The following IQCM variants were observed in gnomAD, a reference collection of about 807,000 sequenced individuals.
The protein encoded by IQCM is IQ motif containing M, also known as IQ domain-containing protein M.
IQCM carries 45 observed loss-of-function variants against 57.6 expected under a neutral mutation model. That is an observed-to-expected ratio of 0.78 (90% confidence interval 0.62 to 1.00). The LOEUF is 1.00. IQCM is among the 50% of genes least tolerant of loss of function. The pLI, the probability that IQCM is intolerant of heterozygous loss-of-function variation, is 0.00. For synonymous variants in IQCM, 148 were observed against 158.9 expected (o/e 0.93, Z 0.51); for missense variants, 468 against 511.6 (o/e 0.91, Z 0.82).
chr4:149,726,416 C>T (rs1042274989), intron 5 of IQCM, among the ~76,000 whole-genome samples: 4 of 152,176 alleles, frequency 2.6e-5, no homozygotes, highest in Admixed American at 2.0e-4. Context: ...CTTTCTAATG[C>T]ATTACTCCTT....
chr4:149,602,255 G>T (rs1454469372), intron 8 of IQCM, among the ~76,000 whole-genome samples: 2 of 152,012 alleles, frequency 1.3e-5, no homozygotes, highest in African/African-American at 4.8e-5. Flanking sequence ...TTTACATAAG[G>T]AATTTGAACA....
chr4:149,528,095 C>T (rs544794873), intron 12 of IQCM, among the ~76,000 whole-genome samples: 8 of 151,702 alleles, frequency 5.3e-5, no homozygotes, highest in Middle Eastern at 3.4e-3. Context: ...AAGTGATTCT[C>T]GTGCCGCAGC....
chr4:149,400,439 G>T (rs1436664291), intron 13 of IQCM, among the ~76,000 whole-genome samples: 1 of 151,964 alleles, frequency 6.6e-6, no homozygotes, highest in African/African-American at 2.4e-5. Context: ...ACTTCACGTG[G>T]CATGAGATAC....
At chr4:149,405,822 A>AAGCATATATATATATGCTCCTT (rs1209364844) in intron 13 of IQCM, among the ~76,000 whole-genome samples, 1 of 140,296 alleles carries the variant, frequency 7.1e-6, no homozygotes, top group African/African-American at 2.6e-5. Context: ...TTCACCTCCT[A>AAGCATATATATATATGCTCCTT]AGGAGCATAT....
At chr4:149,532,691 G>A (rs1005903732) in intron 12 of IQCM, among the ~76,000 whole-genome samples, 1 of 152,066 alleles carries the variant, frequency 6.6e-6, no homozygotes, top group Non-Finnish European at 1.5e-5. Flanking sequence ...ATGGGCATGT[G>A]GCCTTCAATC....
chr4:149,354,363 CAAAAAAAAAAA>C lies in IQCM; in HGVS notation c.1391-2308_1391-2298del, dbSNP rs70965178. On this transcript the variant is annotated intron_variant, in intron 13 of 13. Coordinates refer to ENST00000636793, the MANE Select transcript of IQCM (RefSeq NM_001363507.2). ...TGGGCGACAGAGCGAGACTCCGTCT[CAAAAAAAAAAA>C]AAAAAAAAAAAAAAACTGACAAATT... is the stretch of plus-strand genomic sequence containing the variant. 1.8e-3 allele frequency among the ~76,000 whole-genome samples: 37 copies of C among 20,260 alleles called. 1 individual carries two copies. The highest frequency in any genetic ancestry group is 0.05 in the Middle Eastern group (1 of 20). The allele number at this position is 20,260 out of a possible 152,430, so 13.3% of individuals were successfully genotyped here.
chr4:149,397,842 TG>T (rs1732339220), intron 13 of IQCM, among the ~76,000 whole-genome samples: 1 of 152,048 alleles, frequency 6.6e-6, no homozygotes, highest in African/African-American at 2.4e-5. Context: ...ATCAGATATA[TG>T]GTTTGCAAAT....
At chr4:149,411,755 C>T in intron 13 of IQCM, among the ~76,000 whole-genome samples, 2 of 152,196 alleles carry the variant, frequency 1.3e-5, no homozygotes, top group Non-Finnish European at 2.9e-5. Flanking sequence ...GGGTACTATG[C>T]TATGTTACTT....
intron 12 of IQCM, among the ~76,000 whole-genome samples, chr4:149,470,295 G>GAA (rs577782361): frequency 1.5e-5 from 2 of 131,600 alleles, no homozygotes; most frequent in African/African-American, 2.8e-5. Context: ...CAAGCAAATG[G>GAA]AAAAAAAAAA....
chr4:149,492,027 T>C (rs1742148222), intron 12 of IQCM, among the ~76,000 whole-genome samples: 1 of 152,148 alleles, frequency 6.6e-6, no homozygotes, highest in Non-Finnish European at 1.5e-5. Context: ...ATGTTTTTTA[T>C]ACACCTATTG....
At chr4:149,354,558 G>C (rs539633414) in intron 13 of IQCM, among the ~76,000 whole-genome samples, 1 of 151,796 alleles carries the variant, frequency 6.6e-6, no homozygotes, top group African/African-American at 2.4e-5. Flanking sequence ...TCAGGATTAA[G>C]TGCTTTCCTA....
chr4:149,433,052 G>A (rs1422152408), intron 13 of IQCM, among the ~76,000 whole-genome samples: 1 of 151,824 alleles, frequency 6.6e-6, no homozygotes, highest in Admixed American at 6.6e-5. Flanking sequence ...ATAATGACTG[G>A]AAAACAGGTT....
rs371838386 is a variant in IQCM at position 149,418,666 on chromosome 4, T to C, written c.1390+14730A>G. Among the ~76,000 whole-genome samples, 3 of 152,094 alleles carry C rather than the reference T, an allele frequency of 2.0e-5. No homozygotes were observed. The East Asian group carries it at 5.8e-4, about 29-fold the overall frequency. Reference sequence around the variant, plus strand: ...TTAAACTTCAGGCCAATATCTCTGATGAAGGATATTCAAATAGGAAGAAAA... The same window carrying C: ...TTAAACTTCAGGCCAATATCTCTGACGAAGGATATTCAAATAGGAAGAAAA... On this transcript the variant is annotated intron_variant, in intron 13 of 13. Transcript: ENST00000636793.
At chr4:149,481,705 T>TTTTTTTTTGTTTTTTG (rs1393102224) in intron 12 of IQCM, among the ~76,000 whole-genome samples, 186 of 133,082 alleles carry the variant, frequency 1.4e-3, no homozygotes, top group Non-Finnish European at 1.8e-3. Context: ...AGTTTTGTTT[T>TTTTTTTTTGTTTTTTG]TTTTTTTTTT....
At chr4:149,805,130 G>T (rs1773952346) in intron 2 of IQCM, among the ~76,000 whole-genome samples, 1 of 152,036 alleles carries the variant, frequency 6.6e-6, no homozygotes, top group South Asian at 2.1e-4. Flanking sequence ...GAAATTATAG[G>T]CTAGAGTTGC....
chr4:149,698,996 G>A (rs1763554277), intron 5 of IQCM, among the ~76,000 whole-genome samples: 1 of 151,988 alleles, frequency 6.6e-6, no homozygotes, highest in African/African-American at 2.4e-5. Context: ...TAAAATTAGT[G>A]ATGTTGATGA....
chr4:149,366,769 A>T (rs935841785), intron 13 of IQCM, among the ~76,000 whole-genome samples: 8 of 152,020 alleles, frequency 5.3e-5, no homozygotes, highest in African/African-American at 1.9e-4. Flanking sequence ...TTAAAAAAAG[A>T]TATGGTTTGA....
chr4:149,363,346 G>A (rs758270544), intron 13 of IQCM, among the ~76,000 whole-genome samples: 3 of 152,112 alleles, frequency 2.0e-5, no homozygotes, highest in Non-Finnish European at 4.4e-5. Flanking sequence ...ACTGAAGTAG[G>A]GTGGGTCCAG....
chr4:149,390,138 A>C lies in IQCM; in HGVS notation c.1391-38072T>G, dbSNP rs182294964. Among the ~76,000 whole-genome samples the C allele has an allele frequency of 2.1e-3, 316 of 152,160 alleles. 4 individuals are homozygous for C. The highest frequency in any genetic ancestry group is 7.3e-3 in the African/African-American group (305 of 41,562). On this transcript the variant is annotated intron_variant, in intron 13 of 13. Coordinates refer to ENST00000636793, the MANE Select transcript of IQCM (RefSeq NM_001363507.2). ...TAGATCTTATTTAATTTATTTCAACAGTATTTTGTACTTTCAGTACACAAG... is the reference window on the plus strand; with the variant it reads ...TAGATCTTATTTAATTTATTTCAACCGTATTTTGTACTTTCAGTACACAAG...
Sources: allele counts gnomAD v4.1 joint callset (sites outside exome capture counted in the v4.1 genomes callset), GRCh38; gene constraint gnomAD v4.1.1; transcripts MANE v1.5; gene names NCBI Gene and HGNC (gene_info 2026-07-23, HGNC 2026-07-21).